CEP63: variants seen among roughly 807,000 people sequenced by gnomAD.
CEP63 encodes centrosomal protein 63.
Under a neutral mutation model 89.1 loss-of-function variants are expected in CEP63, and 84 were observed. The ratio of observed to expected loss-of-function variants is 0.94; its 90% CI spans 0.79 to 1.13. The LOEUF is 1.13. Ranked by LOEUF, CEP63 falls within the 50% of genes most tolerant of loss-of-function variation. The pLI is 0.00. For synonymous variants in CEP63, 267 were observed against 272.5 expected (o/e 0.98, Z 0.20); for missense variants, 838 against 813.3 (o/e 1.03, Z -0.37).
At chr3:134,719,941 T>A in the CEP63 span, among the ~76,000 whole-genome samples, 1 of 152,224 alleles carries the variant, frequency 6.6e-6, no homozygotes, top group Non-Finnish European at 1.5e-5. Flanking sequence ...CATGTATGCA[T>A]AAGAGTTTTT....
At chr3:134,644,703 C>T in the CEP63 span, among the ~76,000 whole-genome samples, 21 of 152,326 alleles carry the variant, frequency 1.4e-4, no homozygotes, top group African/African-American at 4.1e-4. Context: ...GCAGATCAGC[C>T]GCTCAGTGGT....
downstream of CEP63, among the ~76,000 whole-genome samples, chr3:134,576,442 G>A (rs969904251): frequency 1.3e-5 from 2 of 152,180 alleles, no homozygotes; most frequent in South Asian, 2.1e-4. Context: ...TGACAAGTGC[G>A]CATGGCAGTA....
intron 13 of CEP63, among the ~76,000 whole-genome samples, 183 bp from the exon 14 acceptor site, chr3:134,558,967 T>A (rs1956814502): frequency 6.6e-6 from 1 of 152,192 alleles, no homozygotes; most frequent in Admixed American, 6.5e-5. Context: ...GACTTGGTAG[T>A]TGGAATTGGA....
the CEP63 span, among the ~76,000 whole-genome samples, chr3:134,616,457 C>T: frequency 3.3e-5 from 5 of 152,098 alleles, no homozygotes; most frequent in Non-Finnish European, 5.9e-5. Flanking sequence ...AATTAATTTA[C>T]CAAACTTTTG....
At chr3:134,547,898 C>T (rs376480267) in intron 9 of CEP63, among the ~76,000 whole-genome samples, 128 of 152,128 alleles carry the variant, frequency 8.4e-4, no homozygotes, top group African/African-American at 3.0e-3. Flanking sequence ...CATGAGTCAC[C>T]GCACCCTGCC....
At chr3:134,636,224 G>A in the CEP63 span, among the ~76,000 whole-genome samples, 2 of 152,148 alleles carry the variant, frequency 1.3e-5, no homozygotes, top group South Asian at 2.1e-4. Flanking sequence ...ATTTTCTTAT[G>A]AATGATTTTA....
the CEP63 span, among the ~76,000 whole-genome samples, chr3:134,744,999 A>T: frequency 6.6e-6 from 1 of 152,188 alleles, no homozygotes; most frequent in African/African-American, 2.4e-5. Context: ...ATATGTATAC[A>T]CTCATGGAAT....
the CEP63 span, among the ~76,000 whole-genome samples, chr3:134,772,635 A>T: frequency 6.6e-6 from 1 of 151,834 alleles, no homozygotes; most frequent in Non-Finnish European, 1.5e-5. Flanking sequence ...CTCTCATTAG[A>T]TATTCCCATT....
At chr3:134,686,090 G>A in the CEP63 span, among the ~76,000 whole-genome samples, 1 of 152,202 alleles carries the variant, frequency 6.6e-6, no homozygotes, top group Non-Finnish European at 1.5e-5. Flanking sequence ...TCCTCACAGG[G>A]CTGCACAAGG....
the CEP63 span, among the ~76,000 whole-genome samples, chr3:134,741,755 A>G: frequency 1.3e-5 from 2 of 152,216 alleles, no homozygotes; most frequent in African/African-American, 2.4e-5. Flanking sequence ...TTGCATTTCC[A>G]TTAAACACAT....
the CEP63 span, chr3:134,629,706 A>C: frequency 5.1e-6 from 8 of 1,568,814 alleles, no homozygotes; most frequent in South Asian, 8.2e-5. Flanking sequence ...CTACAAAGGA[A>C]AAGGAGATGA....
chr3:134,584,648 T>C (rs950266278), intron 10 of CEP63, among the ~76,000 whole-genome samples: 19 of 152,192 alleles, frequency 1.2e-4, no homozygotes, highest in Non-Finnish European at 5.9e-5. Context: ...CTCTTTCTTA[T>C]TATGTCTCTG....
downstream of CEP63, among the ~76,000 whole-genome samples, chr3:134,576,700 G>C (rs181387534): frequency 6.6e-6 from 1 of 152,316 alleles, no homozygotes; most frequent in African/African-American, 2.4e-5. Context: ...TAAAAATGCT[G>C]TAGATGGAAC....
chr3:134,677,103 G>GGT, the CEP63 span, among the ~76,000 whole-genome samples: 1 of 152,160 alleles, frequency 6.6e-6, no homozygotes, highest in Non-Finnish European at 1.5e-5. Flanking sequence ...TGGGCGTGGT[G>GGT]GTGCGTGCCT....
chr3:134,562,113 A>C lies in CEP63; in HGVS notation c.*578A>C. The C allele has an allele frequency of 2.0e-6, 2 of 989,616 alleles. No homozygotes were observed. The highest frequency in any genetic ancestry group is 2.4e-6 in the Non-Finnish European group (2 of 832,634). The allele number at this position is 989,616 out of a possible 1,614,324, so 61.3% of individuals were successfully genotyped here. A position where few individuals can be genotyped will look rare whatever the true frequency, so the allele number is the denominator to read the frequency against. ...ATCAAGCAGTCCTCTCTTGCTCAAC[A>C]CTCATGCAGAGGAGAGAGGCAGGGA... is the stretch of plus-strand genomic sequence containing the variant. On this transcript the variant is annotated 3_prime_UTR_variant, in exon 15 of 15. Coordinates refer to ENST00000675561, the MANE Select transcript of CEP63 (RefSeq NM_001353108.3).
downstream of CEP63, among the ~76,000 whole-genome samples, chr3:134,590,023 A>C (rs1027947586): frequency 6.6e-6 from 1 of 152,218 alleles, no homozygotes; most frequent in African/African-American, 2.4e-5. Flanking sequence ...ACATGTTATC[A>C]CTTATATGTG....
intron 2 of CEP63, among the ~76,000 whole-genome samples, chr3:134,497,801 A>G (rs12487438): frequency 0.11 from 16,792 of 151,708 alleles, 1,223 homozygotes; most frequent in Middle Eastern, 0.2. Flanking sequence ...GTGAATATCA[A>G]TTTTTTCCAG....
At chr3:134,686,558 T>G in the CEP63 span, among the ~76,000 whole-genome samples, 1 of 152,072 alleles carries the variant, frequency 6.6e-6, no homozygotes, top group Non-Finnish European at 1.5e-5. Flanking sequence ...GCTTTGCTTA[T>G]TTTATCCTGA....
intron 2 of CEP63, among the ~76,000 whole-genome samples, chr3:134,503,813 A>C (rs1222306224): frequency 1.3e-5 from 1 of 78,690 alleles, no homozygotes; most frequent in African/African-American, 4.3e-5. Context: ...TGTGTGATAT[A>C]GGAATAACTA....
Sources: allele counts gnomAD v4.1 joint callset (sites outside exome capture counted in the v4.1 genomes callset), GRCh38; gene constraint gnomAD v4.1.1; transcripts MANE v1.5; gene names NCBI Gene and HGNC (gene_info 2026-07-23, HGNC 2026-07-21).